TLL1: variants seen among roughly 807,000 people sequenced by gnomAD.
The protein encoded by TLL1 is tolloid like 1, also known as tolloid-like protein 1.
Under a neutral mutation model 128.2 loss-of-function variants are expected in TLL1, and 49 were observed. The ratio of observed to expected loss-of-function variants is 0.38; its 90% CI spans 0.30 to 0.48. The LOEUF is 0.48. TLL1 is among the 20% of genes least tolerant of loss of function. The pLI, the probability that TLL1 is intolerant of heterozygous loss-of-function variation, is 0.96. For missense variants in TLL1, 1,123 were observed against 1,242.0 expected (o/e 0.90, Z 1.44); for synonymous variants, 454 against 418.8 (o/e 1.08, Z -1.03).
At chr4:165,953,636 A>G (rs993160031) in intron 1 of TLL1, among the ~76,000 whole-genome samples, 2 of 149,574 alleles carry the variant, frequency 1.3e-5, no homozygotes, top group Non-Finnish European at 3.0e-5. Context: ...TCATATATAT[A>G]TATATATATA....
chr4:166,058,589 T>C (rs1324119287), intron 14 of TLL1, among the ~76,000 whole-genome samples: 2 of 152,170 alleles, frequency 1.3e-5, no homozygotes, highest in African/African-American at 4.8e-5. Flanking sequence ...TTATTTTCCC[T>C]GCCTCCACCC....
intron 17 of TLL1, among the ~76,000 whole-genome samples, chr4:166,076,382 A>AT (rs534521382): frequency 3.9e-5 from 6 of 152,100 alleles, no homozygotes; most frequent in Admixed American, 6.6e-5. Flanking sequence ...CCAGGTTTTT[A>AT]TTTTTTGTTT....
At chr4:165,969,518 G>A (rs879472660) in intron 1 of TLL1, among the ~76,000 whole-genome samples, 11 of 151,926 alleles carry the variant, frequency 7.2e-5, no homozygotes, top group South Asian at 2.1e-4. Context: ...GTTTATATTC[G>A]AATGGGTTCC....
chr4:166,067,915 C>T (rs1267275292), intron 16 of TLL1, among the ~76,000 whole-genome samples: 2 of 151,802 alleles, frequency 1.3e-5, no homozygotes, highest in African/African-American at 2.4e-5. Context: ...GGTCCAAAGA[C>T]CATTCTCTTA....
At chr4:166,052,597 A>G (rs189242412) in intron 12 of TLL1, among the ~76,000 whole-genome samples, 6 of 152,084 alleles carry the variant, frequency 3.9e-5, no homozygotes, top group Admixed American at 6.5e-5. Context: ...GCCTGGTCAT[A>G]ATATTATTTT....
chr4:166,003,931 G>A (rs1044321796), intron 6 of TLL1, among the ~76,000 whole-genome samples: 5 of 151,820 alleles, frequency 3.3e-5, no homozygotes, highest in African/African-American at 9.7e-5. Flanking sequence ...TATGTTATAA[G>A]GATTTTAAAA....
chr4:165,947,828 G>A (rs150771323), intron 1 of TLL1, among the ~76,000 whole-genome samples: 2 of 152,212 alleles, frequency 1.3e-5, no homozygotes, highest in African/African-American at 2.4e-5. Flanking sequence ...GTGAACCCCT[G>A]TTAAATTAAT....
At chr4:166,096,682 A>C (rs1483135359) in intron 19 of TLL1, among the ~76,000 whole-genome samples, 2 of 152,120 alleles carry the variant, frequency 1.3e-5, no homozygotes, top group African/African-American at 4.8e-5. Context: ...GGAATAAAGT[A>C]ATGCAAGTGC....
intron 8 of TLL1, among the ~76,000 whole-genome samples, chr4:166,020,678 GT>G (rs1180487901): frequency 6.6e-6 from 1 of 151,936 alleles, no homozygotes. Context: ...TCTTAATTTA[GT>G]TTTTCTATAA....
chr4:165,907,468 A>T (rs75927943), intron 1 of TLL1, among the ~76,000 whole-genome samples: 6,178 of 152,246 alleles, frequency 0.041, 403 homozygotes, highest in African/African-American at 0.14. Flanking sequence ...TCCTGCAAAG[A>T]GAGTATGTCT....
chr4:166,033,108 G>A (rs765755636), intron 9 of TLL1, among the ~76,000 whole-genome samples: 32 of 152,038 alleles, frequency 2.1e-4, no homozygotes, highest in Middle Eastern at 3.2e-3. Flanking sequence ...ATAAAGATAC[G>A]CAACTCCTGA....
intron 1 of TLL1, among the ~76,000 whole-genome samples, chr4:165,941,209 C>G (rs59864523): frequency 8.6e-5 from 13 of 152,038 alleles, no homozygotes; most frequent in Admixed American, 2.0e-4. Context: ...ACACAAAGAA[C>G]TTACTTAATG....
chr4:166,026,356 G>A (rs1291303371), intron 9 of TLL1, among the ~76,000 whole-genome samples: 1 of 151,566 alleles, frequency 6.6e-6, no homozygotes, highest in East Asian at 2.0e-4. Context: ...TACCACCACT[G>A]CACTCCAGCC....
chr4:166,014,862 T>G (rs1177607723), intron 8 of TLL1, among the ~76,000 whole-genome samples: 1 of 152,058 alleles, frequency 6.6e-6, no homozygotes, highest in Non-Finnish European at 1.5e-5. Flanking sequence ...ATTAAATAGT[T>G]GCATGATTTC....
chr4:165,893,906 C>CTTA (rs1009315794), intron 1 of TLL1, among the ~76,000 whole-genome samples: 7 of 152,124 alleles, frequency 4.6e-5, no homozygotes, highest in Non-Finnish European at 7.4e-5. Flanking sequence ...CTCAAAAAGA[C>CTTA]TTATTGAAAT....
intron 16 of TLL1, among the ~76,000 whole-genome samples, chr4:166,073,264 C>G (rs1740872522): frequency 6.6e-6 from 1 of 152,086 alleles, no homozygotes; most frequent in South Asian, 2.1e-4. Flanking sequence ...CAGCTGATAC[C>G]ATGGTGGTAG....
At chr4:165,994,624 T>C in intron 4 of TLL1, 91 bp downstream of exon 4, 1 of 1,460,052 alleles carries the variant, frequency 6.8e-7, no homozygotes, top group South Asian at 1.2e-5. Flanking sequence ...TAACATAAGA[T>C]ACATAGTATT....
intron 1 of TLL1, among the ~76,000 whole-genome samples, chr4:165,947,474 T>G (rs1734311565): frequency 6.6e-6 from 1 of 152,040 alleles, no homozygotes; most frequent in African/African-American, 2.4e-5. Flanking sequence ...GGGGAAAAAC[T>G]GTCAAACAAA....
intron 12 of TLL1, among the ~76,000 whole-genome samples, chr4:166,045,613 A>G (rs1439270441): frequency 2.0e-5 from 3 of 152,114 alleles, no homozygotes; most frequent in African/African-American, 7.2e-5. Flanking sequence ...TTAGATTATG[A>G]CACTGCGCTA....
Sources: allele counts gnomAD v4.1 joint callset (sites outside exome capture counted in the v4.1 genomes callset), GRCh38; gene constraint gnomAD v4.1.1; transcripts MANE v1.5; gene names NCBI Gene and HGNC (gene_info 2026-07-23, HGNC 2026-07-21).